IQCM: variants seen among roughly 807,000 people sequenced by gnomAD.
The protein encoded by IQCM is IQ motif containing M.
IQCM carries 45 observed loss-of-function variants against 57.6 expected under a neutral mutation model. The observed-to-expected ratio is 0.78, with a 90% CI of 0.62 to 1.00. The LOEUF is 1.00. IQCM is among the 50% of genes least tolerant of loss of function. The pLI, the probability that IQCM is intolerant of heterozygous loss-of-function variation, is 0.00. For missense variants in IQCM, 468 were observed against 511.6 expected, an observed-to-expected ratio of 0.91 and a Z score of 0.82; for synonymous variants, 148 against 158.9, an observed-to-expected ratio of 0.93 and a Z score of 0.51.
At chr4:149,667,301 A>C (rs766681810) in intron 7 of IQCM, among the ~76,000 whole-genome samples, 2 of 152,092 alleles carry the variant, frequency 1.3e-5, no homozygotes, top group African/African-American at 2.4e-5. Context: ...CCAGGAGTGG[A>C]CCTCCAGCAA....
chr4:149,468,078 C>T (rs537028464), intron 12 of IQCM, among the ~76,000 whole-genome samples: 16 of 152,232 alleles, frequency 1.1e-4, no homozygotes, highest in African/African-American at 2.6e-4. Context: ...GCGTGAGTGA[C>T]GCAGAAGATG....
intron 8 of IQCM, among the ~76,000 whole-genome samples, chr4:149,606,487 T>C (rs575726791): frequency 4.6e-5 from 7 of 152,142 alleles, no homozygotes; most frequent in African/African-American, 9.6e-5. Context: ...ACCTAATTCG[T>C]CAATGCACAG....
At chr4:149,627,103 G>C (rs557371359) in intron 7 of IQCM, among the ~76,000 whole-genome samples, 1 of 152,150 alleles carries the variant, frequency 6.6e-6, no homozygotes, top group African/African-American at 2.4e-5. Context: ...ATTTGATACA[G>C]CCCTATGGAA....
intron 13 of IQCM, among the ~76,000 whole-genome samples, chr4:149,428,068 T>C (rs770595413): frequency 1.3e-5 from 2 of 151,886 alleles, no homozygotes; most frequent in African/African-American, 2.4e-5. Flanking sequence ...ATATAAAATA[T>C]ATAGAGCTCC....
At chr4:149,779,444 C>T (rs1771398709) in intron 2 of IQCM, among the ~76,000 whole-genome samples, 2 of 151,892 alleles carry the variant, frequency 1.3e-5, no homozygotes, top group African/African-American at 4.8e-5. Context: ...AGTAGAGCAC[C>T]CAGAAATTGT....
intron 2 of IQCM, among the ~76,000 whole-genome samples, chr4:149,764,071 A>G (rs528171563): frequency 3.5e-4 from 54 of 152,276 alleles, no homozygotes; most frequent in Admixed American, 2.9e-3. Context: ...TTTGGATTTC[A>G]GTGAGGATGC....
chr4:149,412,288 A>G lies in IQCM; in HGVS notation c.1390+21108T>C, dbSNP rs17026209. Among the ~76,000 whole-genome samples the G allele has an allele frequency of 9.4e-3, 1,427 of 152,208 alleles. 16 individuals carry two copies. The highest frequency in any genetic ancestry group is 0.033 in the African/African-American group (1,355 of 41,524). ...CTAAGAAATTCCTCAAAACTTGAAA[A>G]TAAGGCTAGTGAGGTTTTCTTCCCT... On this transcript the variant is annotated intron_variant, in intron 13 of 13. Transcript: ENST00000636793.
intron 11 of IQCM, among the ~76,000 whole-genome samples, chr4:149,549,791 C>A (rs551459132): frequency 2.6e-4 from 40 of 152,142 alleles, no homozygotes; most frequent in Non-Finnish European, 4.9e-4. Context: ...TCCTGGCACT[C>A]AACCACATGG....
intron 7 of IQCM, among the ~76,000 whole-genome samples, chr4:149,661,942 T>C (rs1760257663): frequency 6.6e-6 from 1 of 152,096 alleles, no homozygotes; most frequent in Non-Finnish European, 1.5e-5. Flanking sequence ...ATTTTGTTTA[T>C]TTTTGCTCTG....
intron 12 of IQCM, among the ~76,000 whole-genome samples, chr4:149,470,493 A>G (rs886075079): frequency 2.1e-4 from 32 of 152,156 alleles, no homozygotes; most frequent in Admixed American, 7.9e-4. Context: ...GCGACCTAGA[A>G]AGAGACTTAG....
At chr4:149,732,215 C>A (rs1238246330) in intron 5 of IQCM, among the ~76,000 whole-genome samples, 1 of 152,114 alleles carries the variant, frequency 6.6e-6, no homozygotes, top group Non-Finnish European at 1.5e-5. Flanking sequence ...CAAACTCTAG[C>A]CCACCCATCT....
chr4:149,694,888 C>T (rs1388003430), intron 5 of IQCM, among the ~76,000 whole-genome samples: 3 of 152,146 alleles, frequency 2.0e-5, no homozygotes, highest in Non-Finnish European at 4.4e-5. Context: ...ATTTTGTACA[C>T]TGAATAATCA....
chr4:149,447,403 GTTA>G (rs1382890527), intron 12 of IQCM, among the ~76,000 whole-genome samples: 5 of 151,586 alleles, frequency 3.3e-5, no homozygotes, highest in Non-Finnish European at 5.9e-5. Flanking sequence ...GATATTAAAA[GTTA>G]TTATAACTAT....
intron 7 of IQCM, among the ~76,000 whole-genome samples, chr4:149,636,914 C>T (rs891766938): frequency 4.0e-5 from 6 of 151,476 alleles, no homozygotes; most frequent in Non-Finnish European, 7.4e-5. Context: ...GAGGCCGAGG[C>T]GGGTGGATCA....
intron 7 of IQCM, among the ~76,000 whole-genome samples, chr4:149,666,489 A>G (rs1467589489): frequency 6.6e-6 from 1 of 152,040 alleles, no homozygotes; most frequent in Non-Finnish European, 1.5e-5. Context: ...TTCAAGCACA[A>G]AACTGGGCGG....
intron 8 of IQCM, among the ~76,000 whole-genome samples, chr4:149,591,232 C>T (rs1753130462): frequency 6.6e-6 from 1 of 151,944 alleles, no homozygotes; most frequent in South Asian, 2.1e-4. Flanking sequence ...CATCAATTCC[C>T]TTCCTCTTTT....
chr4:149,688,807 A>AC (rs1194806535), intron 5 of IQCM, among the ~76,000 whole-genome samples: 1 of 152,068 alleles, frequency 6.6e-6, no homozygotes, highest in Non-Finnish European at 1.5e-5. Flanking sequence ...CCTAATATTT[A>AC]CAGCCATCTG....
At chr4:149,669,302 C>T (rs570817137) in intron 7 of IQCM, among the ~76,000 whole-genome samples, 1 of 152,174 alleles carries the variant, frequency 6.6e-6, no homozygotes, top group East Asian at 1.9e-4. Flanking sequence ...CTATTCATAT[C>T]CTTTGCCCAC....
intron 7 of IQCM, among the ~76,000 whole-genome samples, chr4:149,649,172 A>AC (rs1247150704): frequency 6.6e-6 from 1 of 151,410 alleles, no homozygotes; most frequent in Non-Finnish European, 1.5e-5. Flanking sequence ...GAATCCTCCC[A>AC]CCCCACCTGT....
Sources: gnomAD v4.1 joint callset for allele counts (sites outside exome capture counted in the v4.1 genomes callset) on GRCh38, gnomAD v4.1.1 for gene constraint, MANE v1.5 for transcripts, NCBI Gene and HGNC (gene_info 2026-07-23, HGNC 2026-07-21) for gene names.